TMEM272: variants seen among roughly 807,000 people sequenced by gnomAD.
TMEM272 encodes the protein long intergenic non-protein coding RNA 282.
TMEM272 carries 8 observed loss-of-function variants against 3.7 expected under a neutral mutation model. That is an observed-to-expected ratio of 2.17 (90% CI 1.27 to 3.91). TMEM272 has a LOEUF of 3.91. TMEM272 is among the 30% of genes most tolerant of loss of function. The probability of loss-of-function intolerance (pLI) is 0.00; values close to 1 mark genes in which losing one functional copy is unlikely to be tolerated. For synonymous variants in TMEM272, 63 were observed against 39.8 expected (o/e 1.58, Z -2.20); for missense variants, 166 against 91.5 (o/e 1.81, Z -3.32).
rs1273463920 is a variant in TMEM272 at position 51,814,324 on chromosome 13, G to A, written c.*2427C>T. On this transcript the variant is annotated 3_prime_UTR_variant, in exon 5 of 5. Transcript: ENST00000629372. ...TCATAACCATCTCACCATCTCCTGA[G>A]GGAGGCCTTAATCAGTTATCATTCA... The A allele has an allele frequency of 6.6e-6, 1 of 152,218 alleles. No homozygotes were observed. The highest frequency in any genetic ancestry group is 1.5e-5 in the Non-Finnish European group (1 of 68,066). The allele number at this position is 152,218 out of a possible 1,614,324, so 9.4% of individuals were successfully genotyped here. A position where few individuals can be genotyped will look rare whatever the true frequency, so the allele number is the denominator to read the frequency against.
chr13:51,870,111 T>C, the TMEM272 span, among the ~76,000 whole-genome samples: 2 of 152,222 alleles, frequency 1.3e-5, no homozygotes, highest in African/African-American at 4.8e-5. Flanking sequence ...GTGAAAGTCG[T>C]TGATGCCAAG....
At chr13:51,819,887 G>T (rs181325891) in intron 4 of TMEM272, among the ~76,000 whole-genome samples, 4 of 152,302 alleles carry the variant, frequency 2.6e-5, no homozygotes, top group Admixed American at 2.6e-4. Context: ...ATGACCCTCA[G>T]TAACAAATAC....
At chr13:51,920,215 CG>C in the TMEM272 span, among the ~76,000 whole-genome samples, 32 of 151,606 alleles carry the variant, frequency 2.1e-4, no homozygotes, top group East Asian at 6.2e-3. Context: ...GCTCCTGAAA[CG>C]GGTCTGATAA....
the TMEM272 span, among the ~76,000 whole-genome samples, chr13:51,885,437 A>G: frequency 6.6e-6 from 1 of 152,196 alleles, no homozygotes; most frequent in African/African-American, 2.4e-5. Flanking sequence ...AATGCCAGAC[A>G]CTTAAAAAGC....
chr13:51,926,080 TGA>T, the TMEM272 span, among the ~76,000 whole-genome samples: 3 of 151,780 alleles, frequency 2.0e-5, no homozygotes, highest in Non-Finnish European at 4.4e-5. Context: ...TGTGTGTCTA[TGA>T]GTGTGTGGTA....
the TMEM272 span, among the ~76,000 whole-genome samples, chr13:51,877,487 T>A: frequency 6.6e-6 from 1 of 152,246 alleles, no homozygotes; most frequent in Non-Finnish European, 1.5e-5. Flanking sequence ...AATTGAACAT[T>A]GTGCTTGTTT....
chr13:51,877,054 C>T, the TMEM272 span, among the ~76,000 whole-genome samples: 1 of 152,154 alleles, frequency 6.6e-6, no homozygotes, highest in Non-Finnish European at 1.5e-5. Context: ...TGACACTCAC[C>T]AGTGTTCCTA....
chr13:51,918,201 T>A, the TMEM272 span, among the ~76,000 whole-genome samples: 1 of 152,226 alleles, frequency 6.6e-6, no homozygotes, highest in African/African-American at 2.4e-5. Context: ...CTAGTGCCAA[T>A]TCCAGCAATG....
the TMEM272 span, among the ~76,000 whole-genome samples, chr13:51,891,552 C>A: frequency 3.9e-5 from 6 of 152,156 alleles, no homozygotes; most frequent in African/African-American, 1.4e-4. Context: ...CAGAATGAGC[C>A]CAGGCTGGGG....
At chr13:51,845,927 C>T (rs534704973), upstream of TMEM272, among the ~76,000 whole-genome samples, 7 of 152,356 alleles carry the variant, frequency 4.6e-5, no homozygotes, top group East Asian at 3.9e-4. Context: ...CGTCACATGA[C>T]TTAAAGGCAT....
the TMEM272 span, among the ~76,000 whole-genome samples, chr13:51,924,567 C>G: frequency 6.6e-6 from 1 of 152,090 alleles, no homozygotes; most frequent in African/African-American, 2.4e-5. Flanking sequence ...GGCCACAGTT[C>G]AGAGAATGGG....
At chr13:51,932,493 C>G in the TMEM272 span, 1 of 152,288 alleles carries the variant, frequency 6.6e-6, no homozygotes, top group Non-Finnish European at 1.5e-5. Flanking sequence ...GGGACTCACA[C>G]CAGTGCTGGG....
chr13:51,843,441 G>A (rs1956278303), intron 1 of TMEM272, among the ~76,000 whole-genome samples: 1 of 152,100 alleles, frequency 6.6e-6, no homozygotes, highest in African/African-American at 2.4e-5. Flanking sequence ...TCCAAAAGAG[G>A]GTCCCTCAAC....
At chr13:51,825,699 G>A (rs1172981478) in intron 3 of TMEM272, among the ~76,000 whole-genome samples, 1 of 150,124 alleles carries the variant, frequency 6.7e-6, no homozygotes, top group Non-Finnish European at 1.5e-5. Flanking sequence ...ATAGTGGCAC[G>A]ATCATCCCAC....
chr13:51,928,215 G>A, the TMEM272 span, among the ~76,000 whole-genome samples: 1 of 152,158 alleles, frequency 6.6e-6, no homozygotes, highest in Non-Finnish European at 1.5e-5. Flanking sequence ...AACTTCCTCT[G>A]GCCCAACATA....
chr13:51,829,489 A>G (rs377433278), intron 2 of TMEM272, among the ~76,000 whole-genome samples: 32 of 152,314 alleles, frequency 2.1e-4, no homozygotes, highest in African/African-American at 4.8e-4. Context: ...AGAGAATTTC[A>G]GTTAATCTAG....
intron 1 of TMEM272, among the ~76,000 whole-genome samples, chr13:51,842,148 G>A (rs1956268970): frequency 6.6e-6 from 1 of 152,202 alleles, no homozygotes; most frequent in African/African-American, 2.4e-5. Context: ...GTGAATAACT[G>A]TTCCCTATGA....
upstream of TMEM272, among the ~76,000 whole-genome samples, chr13:51,848,502 G>A (rs1004279648): frequency 3.2e-4 from 48 of 152,136 alleles, 1 homozygote; most frequent in Non-Finnish European, 7.3e-5. Flanking sequence ...CCTCATAAAA[G>A]TGAGTTCATT....
At chr13:51,909,331 G>T in the TMEM272 span, 1 of 895,058 alleles carries the variant, frequency 1.1e-6, no homozygotes, top group Non-Finnish European at 1.9e-6. Context: ...TCTTTGGCTC[G>T]CTTTCTGCAG....
Sources: allele counts gnomAD v4.1 joint callset (sites outside exome capture counted in the v4.1 genomes callset), GRCh38; gene constraint gnomAD v4.1.1; transcripts MANE v1.5; gene names NCBI Gene and HGNC (gene_info 2026-07-23, HGNC 2026-07-21).